The following NINJ2 variants were observed in gnomAD, a reference collection of about 807,000 sequenced individuals.
NINJ2 encodes the protein ninjurin-2.
A neutral mutation model predicts 11.7 loss-of-function variants in NINJ2; 12 were observed. The observed-to-expected ratio is 1.02, with a 90% CI of 0.66 to 1.66. The LOEUF is 1.66. NINJ2 is among the 40% of genes most tolerant of loss of function. The probability of loss-of-function intolerance (pLI) is 0.00; values close to 1 mark genes in which losing one functional copy is unlikely to be tolerated. For missense variants in NINJ2, 187 were observed against 181.8 expected (o/e 1.03, Z -0.16); for synonymous variants, 93 against 76.8 (o/e 1.21, Z -1.10).
chr12:588,180 AGGGACGGAAGGGACGGAG>A (rs796407479), intron 1 of NINJ2, among the ~76,000 whole-genome samples: 8,708 of 151,122 alleles, frequency 0.058, 265 homozygotes, highest in African/African-American at 0.066. Context: ...AAGGGACGGA[AGGGACGGAAGGGACGGAG>A]GGGACGGAAG....
intron 1 of NINJ2, 131 bp from the exon 2 acceptor site, chr12:566,309 A>G (rs1489752083): frequency 2.9e-6 from 2 of 685,138 alleles, no homozygotes; most frequent in Admixed American, 2.8e-5. Context: ...TGACACCCTT[A>G]GTTTCATGGC....
chr12:574,016 G>T (rs1592070641), intron 1 of NINJ2, among the ~76,000 whole-genome samples: 1 of 152,162 alleles, frequency 6.6e-6, no homozygotes. Context: ...GAGGTCAAGA[G>T]TTCGAGACCA....
chr12:567,795 C>T (rs1391402447), intron 1 of NINJ2, among the ~76,000 whole-genome samples: 1 of 152,174 alleles, frequency 6.6e-6, no homozygotes. Flanking sequence ...CATTTGAGGT[C>T]AGGAGTTTGA....
intron 1 of NINJ2, among the ~76,000 whole-genome samples, chr12:575,887 T>A (rs1947450862): frequency 6.6e-6 from 1 of 152,256 alleles, no homozygotes; most frequent in South Asian, 2.1e-4. Context: ...AGATCCTGCC[T>A]TTTCTCAGCA....
Position 565,128 on chromosome 12 carries a change from G to A in NINJ2, c.*18+89C>T, listed in dbSNP as rs1174445216. ...CAGGCCTTCCCCCTTTGTTTGGCAA[G>A]GGATCTGTTTCTTGCCCCAAAGCCC... On this transcript the variant is annotated intron_variant, in intron 3 of 3. Coordinates refer to ENST00000305108, the MANE Select transcript of NINJ2 (RefSeq NM_016533.6). 4.6e-6 allele frequency: 5 copies of A among 1,079,362 alleles called. No individual in the cohort carries two copies. In the East Asian group the frequency reaches 1.1e-4, roughly 23 times the overall value. The allele number at this position is 1,079,362 out of a possible 1,614,324, so 66.9% of individuals were successfully genotyped here.
At chr12:619,457 G>A (rs1948129270) in intron 1 of NINJ2, among the ~76,000 whole-genome samples, 1 of 152,232 alleles carries the variant, frequency 6.6e-6, no homozygotes, top group Admixed American at 6.5e-5. Flanking sequence ...CAGTCAGTGT[G>A]TGAACTGAGG....
chr12:567,641 A>G (rs959043452), intron 1 of NINJ2, among the ~76,000 whole-genome samples: 3 of 152,202 alleles, frequency 2.0e-5, no homozygotes, highest in African/African-American at 7.2e-5. Context: ...CACAGAGGAC[A>G]GTTGATTTAC....
intron 1 of NINJ2, among the ~76,000 whole-genome samples, chr12:641,686 A>G (rs1948418243): frequency 6.6e-6 from 1 of 151,992 alleles, no homozygotes; most frequent in South Asian, 2.1e-4. Context: ...CTACTAAAAA[A>G]TACAAAAAAT....
intron 1 of NINJ2, among the ~76,000 whole-genome samples, chr12:616,459 GGGT>G (rs1177735343): frequency 1.3e-5 from 2 of 152,216 alleles, no homozygotes; most frequent in Non-Finnish European, 2.9e-5. Context: ...CTGGGTCGTT[GGGT>G]GGTGGCAGAA....
chr12:567,872 G>A (rs953853415), intron 1 of NINJ2, among the ~76,000 whole-genome samples: 1 of 152,190 alleles, frequency 6.6e-6, no homozygotes, highest in Non-Finnish European at 1.5e-5. Flanking sequence ...GCTGGGTATG[G>A]TGTCACACGC....
intron 1 of NINJ2, among the ~76,000 whole-genome samples, chr12:587,037 G>A (rs1947648000): frequency 6.6e-6 from 1 of 152,212 alleles, no homozygotes. Flanking sequence ...CAATATCTGG[G>A]ATAAACAAGG....
rs1947712208 is a variant in NINJ2 at position 591,264 on chromosome 12, G to A, written c.34-25086C>T. ...AGTTTAGGTACTGCAGGGTGTTGGG[G>A]CCCCAGTCCTTAGCAGGGTTCAAGC... On this transcript the variant is annotated intron_variant, in intron 1 of 3. Coordinates refer to ENST00000305108, the MANE Select transcript of NINJ2 (RefSeq NM_016533.6). This position sits in a 1 kb window ranked among gnomAD's most constrained non-coding sequence, Gnocchi z 5.0. 6.6e-6 allele frequency: 1 copy of A among 152,308 alleles called. No homozygotes were observed. Among genetic ancestry groups the A allele is most frequent in the African/African-American group, 2.4e-5 (1 of 41,454 alleles). 9.4% of individuals were successfully genotyped at this position (152,308 alleles called of 1,614,324 possible).
intron 1 of NINJ2, among the ~76,000 whole-genome samples, chr12:631,793 A>G (rs529326759): frequency 1.3e-5 from 2 of 152,336 alleles, no homozygotes; most frequent in East Asian, 3.9e-4. Flanking sequence ...TTAAGAGAGA[A>G]AGGTGAAAAA....
rs1024142678 is a variant in NINJ2, at chr12:572,653, G to C, written c.34-6475C>G. ...ACGATGGTGGTTCCCACTTACAGAG[G>C]ACATACCTTGTGGCTGGCACAGGGT... On this transcript the variant is annotated intron_variant, in intron 1 of 3. Transcript: ENST00000305108. 2.6e-5 allele frequency among the ~76,000 whole-genome samples: 4 copies of C among 152,136 alleles called. No homozygotes were observed. The South Asian group carries it at 6.2e-4, about 24-fold the overall frequency.
At chr12:599,276 T>TG (rs201768928) in intron 1 of NINJ2, among the ~76,000 whole-genome samples, 2,281 of 151,748 alleles carry the variant, frequency 0.015, 71 homozygotes, top group African/African-American at 0.052. Context: ...CCCAGCTACT[T>TG]GCGGGGCTGA....
At chr12:657,725 C>G (rs1937892278) in intron 1 of NINJ2, among the ~76,000 whole-genome samples, 1 of 152,134 alleles carries the variant, frequency 6.6e-6, no homozygotes. Flanking sequence ...TAGGGAAATG[C>G]AAATTAAAAC....
At chr12:655,730 T>A (rs1343509387) in intron 1 of NINJ2, among the ~76,000 whole-genome samples, 4 of 151,760 alleles carry the variant, frequency 2.6e-5, no homozygotes, top group African/African-American at 9.7e-5. Flanking sequence ...CTGGTCAACA[T>A]GGTGAAACCC....
intron 1 of NINJ2, among the ~76,000 whole-genome samples, chr12:601,275 A>C (rs2159599): frequency 1.7e-4 from 26 of 152,098 alleles, no homozygotes; most frequent in Non-Finnish European, 3.4e-4. Flanking sequence ...GGCCGGGCGC[A>C]GTGGCTCACG....
At chr12:566,729 C>CA (rs1947305817) in intron 1 of NINJ2, among the ~76,000 whole-genome samples, 1 of 152,262 alleles carries the variant, frequency 6.6e-6, no homozygotes, top group Non-Finnish European at 1.5e-5. Context: ...CTCAGGCACA[C>CA]ACGCTGTCAG....
Sources: gnomAD v4.1 joint callset for allele counts (sites outside exome capture counted in the v4.1 genomes callset) on GRCh38, gnomAD v4.1.1 for gene constraint, Gnocchi (gnomAD v3.1) non-coding constraint, MANE v1.5 for transcripts, NCBI Gene and HGNC (gene_info 2026-07-23, HGNC 2026-07-21) for gene names.